CCSER1: variants seen among roughly 807,000 people sequenced by gnomAD.
CCSER1 encodes serine-rich coiled-coil domain-containing protein 1.
In CCSER1, 41 loss-of-function variants were observed where a neutral mutation model predicts 82.0. That is an observed-to-expected ratio of 0.50 (90% CI 0.39 to 0.65). The LOEUF (loss-of-function observed/expected upper bound fraction) is 0.65. Among genes scored for constraint, CCSER1 ranks in the 30% least tolerant of loss-of-function variants. CCSER1 has a pLI of 0.00. For synonymous variants in CCSER1, 414 were observed against 383.9 expected (o/e 1.08, Z -0.92); for missense variants, 1,119 against 1,064.2 (o/e 1.05, Z -0.72).
intron 5 of CCSER1, among the ~76,000 whole-genome samples, chr4:90,620,081 A>G (rs1476249038): frequency 1.3e-5 from 2 of 152,192 alleles, no homozygotes; most frequent in Admixed American, 1.3e-4. Context: ...GTTAAAAATA[A>G]GCACCAAAAT....
intron 5 of CCSER1, among the ~76,000 whole-genome samples, chr4:90,620,196 A>C (rs1471616896): frequency 1.3e-5 from 2 of 152,276 alleles, no homozygotes; most frequent in East Asian, 3.9e-4. Context: ...GTAACTTAAT[A>C]ATATTTCACT....
intron 10 of CCSER1, among the ~76,000 whole-genome samples, chr4:91,490,914 ATATATATATATAT>A (rs1758494640): frequency 1.2e-5 from 1 of 85,794 alleles, no homozygotes; most frequent in South Asian, 3.6e-4. Context: ...ATATATATAT[ATATATATATATAT>A]AAAATATGCG....
intron 6 of CCSER1, among the ~76,000 whole-genome samples, chr4:90,674,865 C>A (rs886632187): frequency 6.6e-6 from 1 of 151,634 alleles, no homozygotes; most frequent in Non-Finnish European, 1.5e-5. Flanking sequence ...GATTTCACCC[C>A]CAAGAAACAA....
At chr4:91,230,463 A>G (rs762215345) in intron 10 of CCSER1, among the ~76,000 whole-genome samples, 43 of 152,058 alleles carry the variant, frequency 2.8e-4, no homozygotes, top group Admixed American at 1.0e-3. Flanking sequence ...ACTAAAAACA[A>G]GTGTATGATG....
intron 6 of CCSER1, among the ~76,000 whole-genome samples, chr4:90,703,524 T>G (rs1738610913): frequency 1.3e-5 from 2 of 152,180 alleles, no homozygotes; most frequent in Non-Finnish European, 2.9e-5. Flanking sequence ...TTCCTGGATA[T>G]CCTTGTTAAC....
At chr4:91,402,164 T>C (rs1224668851) in intron 10 of CCSER1, among the ~76,000 whole-genome samples, 3 of 152,228 alleles carry the variant, frequency 2.0e-5, no homozygotes, top group Non-Finnish European at 4.4e-5. Flanking sequence ...TGAGCATTTT[T>C]TCATGTGTCT....
chr4:91,381,354 T>C (rs1029309065), intron 10 of CCSER1, among the ~76,000 whole-genome samples: 6 of 152,196 alleles, frequency 3.9e-5, no homozygotes, highest in African/African-American at 1.4e-4. Flanking sequence ...TCCAACTTGG[T>C]TCCATTCTCC....
At chr4:91,074,137 T>A (rs1721715327) in intron 9 of CCSER1, among the ~76,000 whole-genome samples, 1 of 152,206 alleles carries the variant, frequency 6.6e-6, no homozygotes. Context: ...CATTTTATTT[T>A]GTCTAAAGAG....
At chr4:91,335,306 G>C (rs984243918) in intron 10 of CCSER1, among the ~76,000 whole-genome samples, 6 of 152,002 alleles carry the variant, frequency 3.9e-5, no homozygotes, top group African/African-American at 1.4e-4. Context: ...GACTAAGCAG[G>C]ATGGAGAAAG....
chr4:91,344,980 A>G (rs1248318832), intron 10 of CCSER1, among the ~76,000 whole-genome samples: 8 of 152,212 alleles, frequency 5.3e-5, no homozygotes. Flanking sequence ...ATATTAATTA[A>G]CAATATAATC....
At chr4:91,524,246 T>C (rs992835985) in intron 10 of CCSER1, among the ~76,000 whole-genome samples, 2 of 152,226 alleles carry the variant, frequency 1.3e-5, no homozygotes, top group Non-Finnish European at 2.9e-5. Context: ...TTTTGTGACA[T>C]TGTTAACAAC....
chr4:91,217,345 T>G (rs1354757219), intron 10 of CCSER1, among the ~76,000 whole-genome samples: 1 of 152,188 alleles, frequency 6.6e-6, no homozygotes, highest in Non-Finnish European at 1.5e-5. Context: ...CGCTGATTGG[T>G]GCGTTTACAA....
intron 6 of CCSER1, among the ~76,000 whole-genome samples, chr4:90,717,355 A>G (rs1004742563): frequency 1.3e-5 from 2 of 152,204 alleles, no homozygotes; most frequent in Non-Finnish European, 2.9e-5. Flanking sequence ...AGAATATATT[A>G]TAAAGAAAAA....
chr4:90,378,069 A>C (rs905242484), intron 3 of CCSER1, among the ~76,000 whole-genome samples: 1 of 152,148 alleles, frequency 6.6e-6, no homozygotes, highest in African/African-American at 2.4e-5. Flanking sequence ...GCAAGTATTT[A>C]TGGAACATGT....
chr4:91,117,627 G>C (rs1394577317), intron 10 of CCSER1, among the ~76,000 whole-genome samples: 3 of 152,050 alleles, frequency 2.0e-5, no homozygotes, highest in Non-Finnish European at 4.4e-5. Flanking sequence ...GCTTCGAAAG[G>C]TACCTCAGTT....
intron 10 of CCSER1, among the ~76,000 whole-genome samples, chr4:91,486,186 A>C (rs1175314540): frequency 1.3e-5 from 2 of 151,838 alleles, no homozygotes; most frequent in African/African-American, 4.8e-5. Context: ...ATATTTAAAA[A>C]TATATTTGTT....
chr4:90,993,208 A>G (rs1737192530), intron 9 of CCSER1, among the ~76,000 whole-genome samples: 1 of 152,092 alleles, frequency 6.6e-6, no homozygotes, highest in Non-Finnish European at 1.5e-5. Flanking sequence ...TTATGTGGAC[A>G]TCAATCTCAA....
At chr4:91,146,960 G>T (rs1469074599) in intron 10 of CCSER1, among the ~76,000 whole-genome samples, 1 of 152,180 alleles carries the variant, frequency 6.6e-6, no homozygotes, top group Non-Finnish European at 1.5e-5. Flanking sequence ...CTGGGCCTTG[G>T]TGGAGCCCCT....
At chr4:90,210,326 A>T (rs528636934) in intron 1 of CCSER1, among the ~76,000 whole-genome samples, 2 of 152,094 alleles carry the variant, frequency 1.3e-5, no homozygotes, top group Non-Finnish European at 2.9e-5. Context: ...CTATACATAT[A>T]TATGTTTTGT....
Sources: gnomAD v4.1 joint callset for allele counts (sites outside exome capture counted in the v4.1 genomes callset) on GRCh38, gnomAD v4.1.1 for gene constraint, MANE v1.5 for transcripts, NCBI Gene and HGNC (gene_info 2026-07-23, HGNC 2026-07-21) for gene names.